Variants in NXT2 observed in about 807,000 individuals in gnomAD.
The protein encoded by NXT2 is nuclear transport factor 2 like export factor 2.
A neutral mutation model predicts 9.6 loss-of-function variants in NXT2; 1 was observed. That is an observed-to-expected ratio of 0.10 (90% CI 0.04 to 0.49). The LOEUF (loss-of-function observed/expected upper bound fraction) is 0.49. Ranked by LOEUF, NXT2 falls within the 20% of genes least tolerant of loss-of-function variation. The pLI is 0.95. For synonymous variants in NXT2, 22 were observed against 35.4 expected (o/e 0.62, Z 1.34); for missense variants, 48 against 100.3 (o/e 0.48, Z 2.23).
chrX:109,542,484 T>C (rs930324914), intron 3 of NXT2, 23 bp from the exon 4 acceptor site: 5 of 753,593 alleles, frequency 6.6e-6, no homozygotes, highest in Non-Finnish European at 9.0e-6. Flanking sequence ...ATGTGTTCTC[T>C]TTTTTTTTTA....
chrX:109,540,832 A>AGG (rs1280622086), intron 2 of NXT2, among the ~76,000 whole-genome samples: 2 of 110,914 alleles, frequency 1.8e-5, no homozygotes, highest in Non-Finnish European at 3.8e-5. Flanking sequence ...CATGCCTGTA[A>AGG]CCCCAGCTAC....
At chrX:109,535,993 C>T (rs764083224), upstream of NXT2, 1 of 1,142,515 alleles carries the variant, frequency 8.8e-7, no homozygotes, top group South Asian at 1.9e-5. Context: ...ACTACGACAT[C>T]TAATTAATTT....
In NXT2 at chrX:109,542,801, A is replaced by AT; in HGVS notation, c.*117dup. 1.7e-6 allele frequency: 1 copy of AT among 595,621 alleles called. No homozygotes were observed. Among genetic ancestry groups the AT allele is most frequent in the Non-Finnish European group, 2.5e-6 (1 of 397,665 alleles). The allele number at this position is 595,621 out of a possible 1,213,427, so 49.1% of individuals were successfully genotyped here. On this transcript the variant is annotated 3_prime_UTR_variant, in exon 4 of 4. Transcript: ENST00000372106. ...TGTGCTGAAACTAAATTTCTTTAAT[A>AT]TTTTCTATTCCTGTCAGCACCTTTT...
At chrX:109,538,664 C>T (rs1260405825) in intron 2 of NXT2, among the ~76,000 whole-genome samples, 1 of 110,366 alleles carries the variant, frequency 9.1e-6, no homozygotes, top group African/African-American at 3.3e-5. Context: ...CTCAACAGAC[C>T]GAGATTTCAT....
At chrX:109,541,231 A>G (rs1185671545) in intron 2 of NXT2, among the ~76,000 whole-genome samples, 2 of 111,803 alleles carry the variant, frequency 1.8e-5, no homozygotes, top group Non-Finnish European at 1.9e-5. Flanking sequence ...AAAGTGAAAT[A>G]TGAAAAAATA....
intron 2 of NXT2, among the ~76,000 whole-genome samples, chrX:109,540,442 C>T (rs903671013): frequency 2.7e-5 from 3 of 110,656 alleles, no homozygotes; most frequent in African/African-American, 9.9e-5. Context: ...ATTCTCCTGC[C>T]TCAGCCTCCC....
intron 1 of NXT2, 149 bp downstream of exon 1, chrX:109,537,170 C>G (rs1933296262): frequency 1.9e-6 from 2 of 1,055,536 alleles, no homozygotes; most frequent in Admixed American, 8.2e-5. Flanking sequence ...CCACGCTTTG[C>G]TGCCCGCCCT....
chrX:109,543,661 G>A lies in NXT2; in HGVS notation c.*973G>A, dbSNP rs1049243884. ...ACTTCACCTCATACTTATCACCAATGTATATCTCCATTTATTCAATAACTT... is the reference window on the plus strand; with the variant it reads ...ACTTCACCTCATACTTATCACCAATATATATCTCCATTTATTCAATAACTT... On this transcript the variant is annotated 3_prime_UTR_variant, in exon 4 of 4. Transcript: ENST00000372106. The A allele has an allele frequency of 1.8e-5, 2 of 111,920 alleles. No individual in the cohort carries two copies. The highest frequency in any genetic ancestry group is 6.5e-5 in the African/African-American group (2 of 30,772). The allele number at this position is 111,920 out of a possible 1,213,427, so 9.2% of individuals were successfully genotyped here.
rs1424578189 is a variant in NXT2, at chrX:109,543,077, T to TA, written c.*393dup. 8.7e-6 allele frequency: 1 copy of TA among 114,610 alleles called. No homozygotes were observed. The highest frequency in any genetic ancestry group is 1.8e-5 in the Non-Finnish European group (1 of 54,947). The allele number at this position is 114,610 out of a possible 1,213,427, so 9.4% of individuals were successfully genotyped here. A position where few individuals can be genotyped will look rare whatever the true frequency, so the allele number is the denominator to read the frequency against. ...TTTGGTTATTAGGTTAATTTTCTAG[T>TA]AAAACACGTTGCCTGTTTTCAGTTA... On this transcript the variant is annotated 3_prime_UTR_variant, in exon 4 of 4. Coordinates refer to ENST00000372106, the MANE Select transcript of NXT2 (RefSeq NM_001242617.2).
At position 109,544,544 on chromosome X, in the gene NXT2, T is replaced by C. The variant is rs1443174492; in HGVS notation, c.*1856T>C. ...CGGTGTGCATTGTTCATGATTGTTGTGTTTTAAGACTTGTATATAAACTGC... is the reference window on the plus strand; with the variant it reads ...CGGTGTGCATTGTTCATGATTGTTGCGTTTTAAGACTTGTATATAAACTGC... On this transcript the variant is annotated 3_prime_UTR_variant, in exon 4 of 4. Coordinates refer to ENST00000372106, the MANE Select transcript of NXT2 (RefSeq NM_001242617.2). 1.8e-5 allele frequency: 2 copies of C among 112,766 alleles called. No individual in the cohort carries two copies. The highest frequency in any genetic ancestry group is 9.4e-5 in the Admixed American group (1 of 10,601). 9.3% of individuals were successfully genotyped at this position (112,766 alleles called of 1,213,427 possible). A position where few individuals can be genotyped will look rare whatever the true frequency, so the allele number is the denominator to read the frequency against.
intron 3 of NXT2, 79 bp downstream of exon 3, chrX:109,541,698 A>T: frequency 3.8e-6 from 3 of 795,198 alleles, no homozygotes; most frequent in Non-Finnish European, 5.3e-6. Context: ...AGCAGCGAGA[A>T]ACTTTTAGTG....
intron 2 of NXT2, 76 bp downstream of exon 2, chrX:109,538,207 G>A (rs1933329634): frequency 4.6e-6 from 3 of 659,017 alleles, no homozygotes; most frequent in Non-Finnish European, 7.0e-6. Context: ...TGGAGCCAGC[G>A]TTTCATCTGA....
At chrX:109,541,388 C>A in intron 2 of NXT2, 87 bp from the exon 3 acceptor site, 1 of 845,590 alleles carries the variant, frequency 1.2e-6, no homozygotes. Context: ...TGTTTATATA[C>A]CATCTGTAAT....
At position 109,541,919 on chromosome X, in the gene NXT2, C is replaced by G. The variant is rs1603391416; in HGVS notation, c.247+300C>G. Among the ~76,000 whole-genome samples the G allele has an allele frequency of 3.6e-5, 4 of 111,694 alleles. No individual in the cohort carries two copies. In the South Asian group the frequency reaches 1.5e-3, roughly 41 times the overall value. On this transcript the variant is annotated intron_variant, in intron 3 of 3. Coordinates refer to ENST00000372106, the MANE Select transcript of NXT2 (RefSeq NM_001242617.2). Reference sequence around the variant, plus strand: ...TCTGATTTCTCTAAATAGTTGCCTGCTGGACCCTGAAATGTCTCCAGAGTA... The same window carrying G: ...TCTGATTTCTCTAAATAGTTGCCTGGTGGACCCTGAAATGTCTCCAGAGTA...
intron 2 of NXT2, 26 bp from the exon 3 acceptor site, chrX:109,541,448 CT>C: frequency 8.7e-7 from 1 of 1,146,239 alleles, no homozygotes; most frequent in Non-Finnish European, 1.2e-6. Flanking sequence ...AATTATTTCC[CT>C]TTTTTAAATT....
Position 109,542,493 on chromosome X carries a change from T to TA in NXT2, c.248-12dup. The TA allele has an allele frequency of 8.6e-7, 1 of 1,162,440 alleles. No homozygotes were observed. Among genetic ancestry groups the TA allele is most frequent in the East Asian group, 3.0e-5 (1 of 33,034 alleles). ...AAAATGATGTGTTCTCTTTTTTTTT[T>TA]AATGTGGATGAAGAGCAAGCAACTC... On this transcript the variant is annotated splice_polypyrimidine_tract_variant and intron_variant, in intron 3 of 3. Coordinates refer to ENST00000372106, the MANE Select transcript of NXT2 (RefSeq NM_001242617.2).
chrX:109,537,227 A>C, intron 1 of NXT2: 2 of 1,023,071 alleles, frequency 2.0e-6, no homozygotes, highest in Non-Finnish European at 2.5e-6. Flanking sequence ...CTGATCCCGG[A>C]AAGGACCCTG....
chrX:109,538,133 T>A lies in NXT2; in HGVS notation c.102+2T>A. The A allele has an allele frequency of 9.0e-7, 1 of 1,113,229 alleles. No individual in the cohort carries two copies. The highest frequency in any genetic ancestry group is 1.2e-6 in the Non-Finnish European group (1 of 806,141). The allele number at this position is 1,113,229 out of a possible 1,213,427, so 91.7% of individuals were successfully genotyped here. ...GAGACAATGGATAAAAGAAGACGGG[T>A]GAGTGTTATAGACTCTACTACTCTT... On this transcript the variant is annotated splice_donor_variant, in intron 2 of 3. Coordinates refer to ENST00000372106, the MANE Select transcript of NXT2 (RefSeq NM_001242617.2). LOFTEE classifies it high-confidence loss of function.
chrX:109,536,658 C>T, upstream of NXT2: 1 of 308,701 alleles, frequency 3.2e-6, no homozygotes, highest in Non-Finnish European at 5.2e-6. Flanking sequence ...TTCATTTTTG[C>T]TTGTCCCCAG....
Sources: gnomAD v4.1 joint callset for allele counts (sites outside exome capture counted in the v4.1 genomes callset) on GRCh38, gnomAD v4.1.1 for gene constraint, MANE v1.5 for transcripts, NCBI Gene and HGNC (gene_info 2026-07-23, HGNC 2026-07-21) for gene names.